ST8SIA6: variants seen among roughly 807,000 people sequenced by gnomAD.
ST8SIA6 encodes ST8 alpha-N-acetyl-neuraminide alpha-2,8-sialyltransferase 6.
A neutral mutation model predicts 33.6 loss-of-function variants in ST8SIA6; 39 were observed. The ratio of observed to expected loss-of-function variants is 1.16; its 90% CI spans 0.90 to 1.52. The LOEUF (loss-of-function observed/expected upper bound fraction) is 1.52, where lower values mean the gene tolerates loss of function less well. Among genes scored for constraint, ST8SIA6 ranks in the 40% most tolerant of loss-of-function variants. ST8SIA6 has a pLI of 0.00. For missense variants in ST8SIA6, 441 were observed against 443.8 expected, an observed-to-expected ratio of 0.99 and a Z score of 0.06; for synonymous variants, 172 against 167.2, an observed-to-expected ratio of 1.03 and a Z score of -0.22.
chr10:17,386,628 C>G (rs1286312033), intron 3 of ST8SIA6, among the ~76,000 whole-genome samples: 1 of 152,162 alleles, frequency 6.6e-6, no homozygotes, highest in Non-Finnish European at 1.5e-5. Flanking sequence ...TGTATTGGTT[C>G]GAACCCTGAG....
intron 2 of ST8SIA6, among the ~76,000 whole-genome samples, chr10:17,394,836 CAT>C (rs1564442549): frequency 6.6e-6 from 1 of 152,106 alleles, no homozygotes; most frequent in Admixed American, 6.6e-5. Flanking sequence ...TCAGACAAGT[CAT>C]AGGGGATTGA....
intron 2 of ST8SIA6, among the ~76,000 whole-genome samples, chr10:17,420,580 C>A (rs1312012659): frequency 1.3e-5 from 2 of 152,112 alleles, no homozygotes; most frequent in Admixed American, 6.5e-5. Flanking sequence ...GATTTAGGCA[C>A]CATGAGATAG....
At chr10:17,345,251 A>G (rs1848797183) in intron 4 of ST8SIA6, among the ~76,000 whole-genome samples, 1 of 152,192 alleles carries the variant, frequency 6.6e-6, no homozygotes, top group African/African-American at 2.4e-5. Flanking sequence ...GGAGCATTTC[A>G]GGTGCTGCTC....
intron 6 of ST8SIA6, among the ~76,000 whole-genome samples, chr10:17,325,161 A>G: frequency 7.3e-6 from 1 of 136,306 alleles, no homozygotes; most frequent in East Asian, 2.0e-4. Flanking sequence ...ATATTGTTAT[A>G]TAATATGTAC....
intron 3 of ST8SIA6, among the ~76,000 whole-genome samples, chr10:17,384,036 G>A (rs392896): frequency 0.32 from 48,211 of 152,014 alleles, 8,310 homozygotes; most frequent in East Asian, 0.64. Context: ...TTTCATTTGT[G>A]ACAGGACACA....
intron 4 of ST8SIA6, among the ~76,000 whole-genome samples, chr10:17,334,133 T>C (rs932650503): frequency 2.0e-5 from 3 of 152,018 alleles, no homozygotes; most frequent in Non-Finnish European, 2.9e-5. Context: ...TACTCACCAA[T>C]AGAAAATGCT....
At chr10:17,400,986 A>C (rs897033337) in intron 2 of ST8SIA6, among the ~76,000 whole-genome samples, 1 of 152,204 alleles carries the variant, frequency 6.6e-6, no homozygotes, top group African/African-American at 2.4e-5. Context: ...GAGGCAGTCA[A>C]ATTGTCCCTG....
chr10:17,436,512 T>C (rs1434733218), intron 2 of ST8SIA6, among the ~76,000 whole-genome samples: 1 of 130,180 alleles, frequency 7.7e-6, no homozygotes, highest in African/African-American at 2.8e-5. Flanking sequence ...CCTAATGCTA[T>C]CCCTCCCCCC....
At chr10:17,372,733 C>T (rs1247542625) in intron 3 of ST8SIA6, among the ~76,000 whole-genome samples, 2 of 152,150 alleles carry the variant, frequency 1.3e-5, no homozygotes, top group Non-Finnish European at 2.9e-5. Context: ...GACTATGTAA[C>T]AAATTACTCC....
rs189578055 is a variant in ST8SIA6 at position 17,424,670 on chromosome 10, A to G, written c.200+28889T>C. ...ACTTATTTCATTATCTCCCTGTTTT[A>G]CTTGCAGCTGTGCCCATCAACCACT... On this transcript the variant is annotated intron_variant, in intron 2 of 7. Transcript: ENST00000377602. Among the ~76,000 whole-genome samples the G allele has an allele frequency of 3.3e-5, 5 of 152,012 alleles. No individual in the cohort carries two copies. In the East Asian group the frequency reaches 9.7e-4, roughly 29 times the overall value.
intron 2 of ST8SIA6, among the ~76,000 whole-genome samples, chr10:17,400,749 T>C (rs1026832889): frequency 1.3e-5 from 2 of 152,160 alleles, no homozygotes; most frequent in Non-Finnish European, 2.9e-5. Context: ...CTAAAATATC[T>C]CAATAAATTA....
intron 6 of ST8SIA6, among the ~76,000 whole-genome samples, chr10:17,324,609 G>T (rs2131576976): frequency 6.6e-6 from 1 of 151,178 alleles, no homozygotes; most frequent in African/African-American, 2.4e-5. Flanking sequence ...AAACTTAAAA[G>T]AAAAATATCT....
Position 17,328,105 on chromosome 10 carries a change from A to G in ST8SIA6, c.523-979T>C, listed in dbSNP as rs151146718. Among the ~76,000 whole-genome samples, 213 of 152,288 alleles carry G rather than the reference A, an allele frequency of 1.4e-3. 1 individual carries two copies. Among genetic ancestry groups the G allele is most frequent in the Non-Finnish European group, 2.4e-3 (164 of 68,016 alleles). ...CAAAACCCCATATTCTGCCTTTCTG[A>G]TAAACAAGGACATTTTCAGCAAGAA... is the stretch of plus-strand genomic sequence containing the variant. On this transcript the variant is annotated intron_variant, in intron 5 of 7. Coordinates refer to ENST00000377602, the MANE Select transcript of ST8SIA6 (RefSeq NM_001004470.3).
In ST8SIA6 at chr10:17,319,523, C is replaced by T. The variant is rs1243512162; in HGVS notation, c.*1355G>A. 1.3e-5 allele frequency among the ~76,000 whole-genome samples: 2 copies of T among 152,168 alleles called. No homozygotes were observed. The highest frequency in any genetic ancestry group is 2.9e-5 in the Non-Finnish European group (2 of 68,026). ...TTCTCCACAAAAGAAAACCCGCAAACATTCTTTTTCTCCTAAGCTTTTACT... is the reference window on the plus strand; with the variant it reads ...TTCTCCACAAAAGAAAACCCGCAAATATTCTTTTTCTCCTAAGCTTTTACT... On this transcript the variant is annotated 3_prime_UTR_variant, in exon 8 of 8. Coordinates refer to ENST00000377602, the MANE Select transcript of ST8SIA6 (RefSeq NM_001004470.3).
intron 2 of ST8SIA6, among the ~76,000 whole-genome samples, chr10:17,430,866 G>A (rs1270829381): frequency 6.6e-6 from 1 of 152,064 alleles, no homozygotes; most frequent in African/African-American, 2.4e-5. Flanking sequence ...TTCCTTTTAT[G>A]TTCTTATTAA....
intron 3 of ST8SIA6, among the ~76,000 whole-genome samples, chr10:17,374,290 ACT>A (rs968104720): frequency 5.3e-5 from 8 of 152,090 alleles, no homozygotes; most frequent in Non-Finnish European, 8.8e-5. Flanking sequence ...ATGCTTTCAA[ACT>A]CTTAGACTGT....
chr10:17,438,921 C>T (rs1241344116), intron 2 of ST8SIA6, among the ~76,000 whole-genome samples: 1 of 152,216 alleles, frequency 6.6e-6, no homozygotes, highest in East Asian at 1.9e-4. Context: ...AGCCTCTTCA[C>T]ATAATTCAGT....
Position 17,321,190 on chromosome 10 carries a change from CT to C in ST8SIA6, c.884del (p.Lys295ArgfsTer10). 3 of 1,613,988 alleles carry C rather than the reference CT, an allele frequency of 1.9e-6. No individual in the cohort carries two copies. The highest frequency in any genetic ancestry group is 1.7e-6 in the Non-Finnish European group (2 of 1,179,970). On this transcript the variant is annotated frameshift_variant, in exon 8 of 8. Coordinates refer to ENST00000377602, the MANE Select transcript of ST8SIA6 (RefSeq NM_001004470.3). LOFTEE classifies it high-confidence loss of function. ...YTLEESKARQ[K>X]VLFFHPKYLK... ...GGTACTTGGGATGGAAAAATAGAAC[CT>C]TTTGTCTTGCTTTAGACTCTTCGAG...
At chr10:17,453,262 G>T in intron 2 of ST8SIA6, among the ~76,000 whole-genome samples, 1 of 129,240 alleles carries the variant, frequency 7.7e-6, no homozygotes. Flanking sequence ...GTCGGGGGCG[G>T]GGGTGCTTTC....
Sources: allele counts gnomAD v4.1 joint callset (sites outside exome capture counted in the v4.1 genomes callset), GRCh38; gene constraint gnomAD v4.1.1; transcripts MANE v1.5; gene names NCBI Gene and HGNC (gene_info 2026-07-23, HGNC 2026-07-21).